Variants in CADM2 observed in about 807,000 individuals in gnomAD.
The protein encoded by CADM2 is immunoglobulin superfamily member 4D.
Under a neutral mutation model 49.8 loss-of-function variants are expected in CADM2, and 12 were observed. The ratio of observed to expected loss-of-function variants is 0.24; its 90% confidence interval spans 0.15 to 0.39. CADM2 has a LOEUF of 0.39. Among genes scored for constraint, CADM2 ranks in the 10% least tolerant of loss-of-function variants. The probability of loss-of-function intolerance (pLI) is 1.00; values close to 1 mark genes in which losing one functional copy is unlikely to be tolerated. For missense variants in CADM2, 378 were observed against 492.3 expected, an observed-to-expected ratio of 0.77 and a Z score of 2.20; for synonymous variants, 214 against 175.4, an observed-to-expected ratio of 1.22 and a Z score of -1.74.
intron 1 of CADM2, among the ~76,000 whole-genome samples, chr3:85,492,134 GAA>G: frequency 6.6e-6 from 1 of 152,116 alleles, no homozygotes; most frequent in East Asian, 1.9e-4. Context: ...TATCTTCTGA[GAA>G]AAGACTATGT....
At chr3:85,620,849 T>A (rs1212947055) in intron 1 of CADM2, among the ~76,000 whole-genome samples, 1 of 152,130 alleles carries the variant, frequency 6.6e-6, no homozygotes, top group East Asian at 1.9e-4. Context: ...GTTGGAATAG[T>A]CTCTAACTTT....
intron 1 of CADM2, among the ~76,000 whole-genome samples, chr3:85,146,591 C>T (rs2039751214): frequency 6.6e-6 from 1 of 152,072 alleles, no homozygotes; most frequent in African/African-American, 2.4e-5. Context: ...ATAGTAATTA[C>T]TCTGTTGTCA....
intron 8 of CADM2, among the ~76,000 whole-genome samples, chr3:86,050,275 C>T (rs907669444): frequency 3.3e-5 from 5 of 152,328 alleles, no homozygotes; most frequent in African/African-American, 1.2e-4. Context: ...TGTCTCACAT[C>T]CAGGGCACAC....
chr3:85,094,648 A>G (rs1489243675), intron 1 of CADM2, among the ~76,000 whole-genome samples: 1 of 152,230 alleles, frequency 6.6e-6, no homozygotes, highest in Non-Finnish European at 1.5e-5. Context: ...AGGATACATT[A>G]TGCAAATATT....
intron 1 of CADM2, among the ~76,000 whole-genome samples, chr3:85,007,681 C>CA (rs886083031): frequency 2.6e-5 from 4 of 152,072 alleles, no homozygotes; most frequent in East Asian, 1.9e-4. Flanking sequence ...AACACAAACA[C>CA]AAAAAATACC....
chr3:85,590,002 T>C (rs2063058925), intron 1 of CADM2, among the ~76,000 whole-genome samples: 1 of 151,980 alleles, frequency 6.6e-6, no homozygotes, highest in Admixed American at 6.6e-5. Flanking sequence ...CAGTATATCT[T>C]AAGAGACACT....
intron 1 of CADM2, among the ~76,000 whole-genome samples, chr3:85,194,241 G>A (rs765505940): frequency 1.3e-5 from 2 of 152,114 alleles, no homozygotes; most frequent in African/African-American, 4.8e-5. Flanking sequence ...GGACCAGAGA[G>A]AGTGTGGGGC....
At chr3:86,031,261 C>A (rs886885194) in intron 8 of CADM2, among the ~76,000 whole-genome samples, 1 of 151,688 alleles carries the variant, frequency 6.6e-6, no homozygotes, top group Non-Finnish European at 1.5e-5. Context: ...AAATTGATAA[C>A]CAGGGTCATA....
rs192371965 is a variant in CADM2 at position 84,962,769 on chromosome 3, A to T, written c.61+3101A>T. On this transcript the variant is annotated intron_variant, in intron 1 of 9. Coordinates refer to ENST00000383699, the MANE Select transcript of CADM2 (RefSeq NM_001167675.2). ...ACTAATCAGTTTATTTATCCCATGT[A>T]TTACTATTCTCTTTCTTTCAGTATC... is the stretch of plus-strand genomic sequence containing the variant. Among the ~76,000 whole-genome samples the T allele has an allele frequency of 2.6e-3, 403 of 152,226 alleles. 4 individuals are homozygous for T. Among genetic ancestry groups the T allele is most frequent in the African/African-American group, 9.5e-3 (394 of 41,530 alleles).
intron 1 of CADM2, among the ~76,000 whole-genome samples, chr3:85,328,900 C>CAAAA (rs11459054): frequency 5.8e-5 from 8 of 137,292 alleles, no homozygotes; most frequent in African/African-American, 2.1e-4. Context: ...TGTCTTCCCT[C>CAAAA]AAAAAAAAAA....
intron 1 of CADM2, among the ~76,000 whole-genome samples, chr3:85,501,665 ATTC>A (rs2040120904): frequency 6.6e-6 from 1 of 152,160 alleles, no homozygotes; most frequent in South Asian, 2.1e-4. Context: ...GTATTTACAT[ATTC>A]TTTTGTATTT....
intron 1 of CADM2, among the ~76,000 whole-genome samples, chr3:85,138,463 A>T (rs995799340): frequency 2.0e-5 from 3 of 152,218 alleles, no homozygotes; most frequent in African/African-American, 7.2e-5. Flanking sequence ...TTAGATATTT[A>T]GAACCAATCT....
At chr3:85,418,608 A>G (rs2036017128) in intron 1 of CADM2, among the ~76,000 whole-genome samples, 1 of 149,382 alleles carries the variant, frequency 6.7e-6, no homozygotes, top group Admixed American at 6.7e-5. Context: ...TAGGTGTATC[A>G]TGCTTTCTAA....
chr3:84,981,642 G>A (rs777011102), intron 1 of CADM2, among the ~76,000 whole-genome samples: 2 of 151,752 alleles, frequency 1.3e-5, no homozygotes, highest in Non-Finnish European at 2.9e-5. Flanking sequence ...TTCCTCCTCT[G>A]CCTCTGTCCT....
chr3:85,835,785 T>G (rs1043349776), intron 3 of CADM2, among the ~76,000 whole-genome samples: 2 of 148,250 alleles, frequency 1.3e-5, no homozygotes, highest in African/African-American at 4.9e-5. Flanking sequence ...ATCCCTTGCT[T>G]GCAAAAAACA....
chr3:84,960,130 A>C, intron 1 of CADM2: 1 of 178,446 alleles, frequency 5.6e-6, no homozygotes, highest in Non-Finnish European at 1.2e-5. Flanking sequence ...TCCCACCATC[A>C]TCATATCCGT....
At chr3:85,149,755 G>A (rs936484154) in intron 1 of CADM2, among the ~76,000 whole-genome samples, 2 of 151,996 alleles carry the variant, frequency 1.3e-5, no homozygotes, top group East Asian at 1.9e-4. Context: ...AAATTGTAGC[G>A]TTATAGACAC....
At chr3:85,355,503 G>C (rs2031781186) in intron 1 of CADM2, among the ~76,000 whole-genome samples, 1 of 152,010 alleles carries the variant, frequency 6.6e-6, no homozygotes, top group Non-Finnish European at 1.5e-5. Flanking sequence ...TTTAATAGAA[G>C]TTAACAAGAG....
intron 1 of CADM2, among the ~76,000 whole-genome samples, chr3:85,692,720 C>T (rs2066423157): frequency 6.6e-6 from 1 of 152,198 alleles, no homozygotes; most frequent in South Asian, 2.1e-4. Flanking sequence ...GGTTACTCAT[C>T]ACCAGTTATT....
Sources: gnomAD v4.1 joint callset for allele counts (sites outside exome capture counted in the v4.1 genomes callset) on GRCh38, gnomAD v4.1.1 for gene constraint, MANE v1.5 for transcripts, NCBI Gene and HGNC (gene_info 2026-07-23, HGNC 2026-07-21) for gene names.